SNED1: variants seen among roughly 807,000 people sequenced by gnomAD.
The protein encoded by SNED1 is sushi, nidogen and EGF-like domain-containing protein 1.
A neutral mutation model predicts 166.7 loss-of-function variants in SNED1; 81 were observed. The ratio of observed to expected loss-of-function variants is 0.49; its 90% CI spans 0.41 to 0.58. The LOEUF (loss-of-function observed/expected upper bound fraction) is 0.58. Ranked by LOEUF, SNED1 falls within the 20% of genes least tolerant of loss-of-function variation. The pLI, the probability that SNED1 is intolerant of heterozygous loss-of-function variation, is 0.00. For synonymous variants in SNED1, 762 were observed against 822.0 expected (o/e 0.93, Z 1.25); for missense variants, 1,604 against 2,000.2 (o/e 0.80, Z 3.78).
chr2:241,048,714 C>T lies in SNED1; in HGVS notation c.1452C>T (p.Asn484=). 6.2e-7 allele frequency: 1 copy of T among 1,613,034 alleles called. No homozygotes were observed. Among genetic ancestry groups the T allele is most frequent in the Non-Finnish European group, 8.5e-7 (1 of 1,179,596 alleles). ...ACGGAGGCAGATGCCTGGGCGCCAACACCACCCTCTGCCAGTGCCCCCTGG... is the reference window on the plus strand; with the variant it reads ...ACGGAGGCAGATGCCTGGGCGCCAATACCACCCTCTGCCAGTGCCCCCTGG... The part of the protein sequence containing the change: ...CRNGGRCLGA[N]TTLCQCPLGF... Residue 484 remains asparagine, a synonymous_variant, in exon 10 of 32, where the codon AAC becomes AAT. Coordinates refer to ENST00000310397, the MANE Select transcript of SNED1 (RefSeq NM_001080437.3).
At chr2:241,049,767 G>T (rs1401990484) in intron 11 of SNED1, 50 bp from the exon 12 acceptor site, 2 of 1,453,894 alleles carry the variant, frequency 1.4e-6, no homozygotes, top group Non-Finnish European at 1.9e-6. Context: ...CTTGCCGCCC[G>T]CACAGATGCG....
chr2:241,063,526 G>A, intron 17 of SNED1, 61 bp from the exon 18 acceptor site: 1 of 1,071,388 alleles, frequency 9.3e-7, no homozygotes, highest in Non-Finnish European at 1.4e-6. Context: ...CGGAATCCTG[G>A]GGGCATGTGG....
chr2:241,085,195 T>A, intron 29 of SNED1, among the ~76,000 whole-genome samples: 1 of 152,218 alleles, frequency 6.6e-6, no homozygotes, highest in East Asian at 1.9e-4. Flanking sequence ...TCTTCATATA[T>A]TTTTCCTGTC....
chr2:241,071,475 C>T, intron 24 of SNED1, 101 bp from the exon 25 acceptor site: 1 of 1,396,630 alleles, frequency 7.2e-7, no homozygotes, highest in Non-Finnish European at 9.8e-7. Flanking sequence ...TTCCCTTCTC[C>T]AAGCACGGCT....
At chr2:241,007,752 C>T (rs1269644847) in intron 1 of SNED1, among the ~76,000 whole-genome samples, 3 of 152,154 alleles carry the variant, frequency 2.0e-5, no homozygotes, top group Non-Finnish European at 4.4e-5. Context: ...TTACCCATGC[C>T]CTAACTTTTC....
At chr2:241,089,205 A>G in intron 31 of SNED1, 1 of 1,249,786 alleles carries the variant, frequency 8.0e-7, no homozygotes, top group Non-Finnish European at 1.1e-6. Context: ...TTTTATCAAC[A>G]TGTCACTGCA....
rs1020585648 is a variant in SNED1 at position 241,073,680 on chromosome 2, A to C, written c.3916+316A>C. 6.4e-6 allele frequency: 3 copies of C among 467,512 alleles called. No individual in the cohort carries two copies. The highest frequency in any genetic ancestry group is 5.9e-5 in the African/African-American group (3 of 50,654). The allele number at this position is 467,512 out of a possible 1,614,324, so 29.0% of individuals were successfully genotyped here. A position where few individuals can be genotyped will look rare whatever the true frequency, so the allele number is the denominator to read the frequency against. On this transcript the variant is annotated intron_variant, in intron 27 of 31. Coordinates refer to ENST00000310397, the MANE Select transcript of SNED1 (RefSeq NM_001080437.3). This position sits in a 1 kb window ranked among gnomAD's most constrained non-coding sequence, Gnocchi z 6.6. Reference sequence around the variant, plus strand: ...TTCGCCTCCACATGCAGCAGAGCCCACCCCAGCCCCTGCCTCTGGGCCCCT... The same window carrying C: ...TTCGCCTCCACATGCAGCAGAGCCCCCCCCAGCCCCTGCCTCTGGGCCCCT...
At chr2:241,059,415 T>C (rs895943831) in intron 16 of SNED1, among the ~76,000 whole-genome samples, 5 of 152,206 alleles carry the variant, frequency 3.3e-5, no homozygotes, top group African/African-American at 9.7e-5. Flanking sequence ...CCAAACTCAA[T>C]TGATACCCAA....
rs2062598231 is a variant in SNED1 at position 241,069,274 on chromosome 2, C to T, written c.3307+251C>T. 6.6e-6 allele frequency among the ~76,000 whole-genome samples: 1 copy of T among 152,194 alleles called. No individual in the cohort carries two copies. The highest frequency in any genetic ancestry group is 2.4e-5 in the African/African-American group (1 of 41,452). On this transcript the variant is annotated intron_variant, in intron 23 of 31. Transcript: ENST00000310397. The surrounding 1 kb of genome is among the most constrained non-coding windows in gnomAD (Gnocchi z 4.9). ...CCTGGTAGCTCCTCAGCATGGAGTTCCTACTGGACACCGACCAGAGGGCCA... is the reference window on the plus strand; with the variant it reads ...CCTGGTAGCTCCTCAGCATGGAGTTTCTACTGGACACCGACCAGAGGGCCA...
At position 241,048,614 on chromosome 2, in the gene SNED1, A is replaced by C. The variant is rs535634652; in HGVS notation, c.1400-48A>C. 10 of 1,544,336 alleles carry C rather than the reference A, an allele frequency of 6.5e-6. No individual in the cohort carries two copies. The South Asian group carries it at 1.2e-4, about 18-fold the overall frequency. On this transcript the variant is annotated intron_variant, in intron 9 of 31. Transcript: ENST00000310397. ...GGGCAGGGTCTGGAGCGAGGGTGCC[A>C]TCTTTCTGCGCCCCCACATGGGAGG...
Position 240,998,865 on chromosome 2 carries a change from C to A in SNED1, c.28C>A (p.Leu10Met). Residue 10 changes from leucine to methionine, a missense_variant, in exon 1 of 32, where the codon CTG (leucine) becomes ATG (methionine). Coordinates refer to ENST00000310397, the MANE Select transcript of SNED1 (RefSeq NM_001080437.3). ...GCGGCACGGCGTCGCCTGGGCGCTG[C>A]TGGTGGCCGCGGCCCTGGGGCTTGG... The part of the protein sequence containing the change: MRHGVAWAL[L>M]VAAALGLGAR... 1.7e-6 allele frequency: 2 copies of A among 1,209,838 alleles called. No homozygotes were observed. Among genetic ancestry groups the A allele is most frequent in the Non-Finnish European group, 2.0e-6 (2 of 976,574 alleles). The allele number at this position is 1,209,838 out of a possible 1,614,324, so 74.9% of individuals were successfully genotyped here. A position where few individuals can be genotyped will look rare whatever the true frequency, so the allele number is the denominator to read the frequency against.
chr2:241,005,992 C>T (rs2060211744), intron 1 of SNED1, among the ~76,000 whole-genome samples: 1 of 152,066 alleles, frequency 6.6e-6, no homozygotes, highest in Non-Finnish European at 1.5e-5. Context: ...TGTCCTTTCT[C>T]TCCTCTCTTT....
rs772745981 is a variant in SNED1, at chr2:241,053,206, G to A, written c.2137G>A (p.Gly713Ser). ...GAAGCACGCCACACTGCGCTTCAAC[G>A]GCACGCGGCTGGGCGCGGTGGCCCT... The part of the protein sequence containing the change: ...EVKHATLRFN[G>S]TRLGAVALYA... Residue 713 changes from glycine to serine, a missense_variant, in exon 16 of 32, where the codon GGC (glycine) becomes AGC (serine). Gly to Ser is a moderately conservative substitution (Grantham distance 56). Transcript: ENST00000310397. The A allele has an allele frequency of 5.0e-5, 80 of 1,610,142 alleles. No homozygotes were observed. The South Asian group carries it at 5.8e-4, about 12-fold the overall frequency.
At chr2:241,052,928 G>T (rs982967447) in intron 15 of SNED1, among the ~76,000 whole-genome samples, 1 of 151,998 alleles carries the variant, frequency 6.6e-6, no homozygotes, top group African/African-American at 2.4e-5. Context: ...AGTGGGGAGC[G>T]TGGGATTTCT....
chr2:241,090,902 C>A (rs1049505245), intron 31 of SNED1, among the ~76,000 whole-genome samples: 1 of 151,682 alleles, frequency 6.6e-6, no homozygotes, highest in African/African-American at 2.4e-5. Flanking sequence ...GAATTCTGTA[C>A]GATGGCTATG....
At chr2:241,063,900 C>G (rs1267834960) in intron 18 of SNED1, 112 bp from the exon 19 acceptor site, 1 of 867,712 alleles carries the variant, frequency 1.2e-6, no homozygotes, top group Non-Finnish European at 1.8e-6. Context: ...CACTGCCCCT[C>G]TCTCCTGGCC....
chr2:241,058,317 A>G (rs929094603), intron 16 of SNED1, among the ~76,000 whole-genome samples: 5 of 152,316 alleles, frequency 3.3e-5, no homozygotes, highest in African/African-American at 1.2e-4. Flanking sequence ...ACTGACATTA[A>G]TACCAATGTT....
chr2:241,043,997 AAGGT>A (rs1256135796), intron 8 of SNED1, among the ~76,000 whole-genome samples: 2 of 152,364 alleles, frequency 1.3e-5, no homozygotes, highest in East Asian at 3.9e-4. Context: ...ATACTGTTTG[AAGGT>A]AGGCTGTGTA....
At chr2:241,009,689 G>T (rs567562428) in intron 1 of SNED1, among the ~76,000 whole-genome samples, 1 of 152,130 alleles carries the variant, frequency 6.6e-6, no homozygotes, top group Non-Finnish European at 1.5e-5. Context: ...GTCCGGGGGC[G>T]CTGAATGCAG....
Sources: gnomAD v4.1 joint callset for allele counts (sites outside exome capture counted in the v4.1 genomes callset) on GRCh38, gnomAD v4.1.1 for gene constraint, Gnocchi (gnomAD v3.1) non-coding constraint, MANE v1.5 for transcripts, NCBI Gene and HGNC (gene_info 2026-07-23, HGNC 2026-07-21) for gene names.